EYS: variants seen among roughly 807,000 people sequenced by gnomAD.
EYS encodes the protein protein eyes shut homolog.
A neutral mutation model predicts 282.1 loss-of-function variants in EYS; 250 were observed. The ratio of observed to expected loss-of-function variants is 0.89; its 90% CI spans 0.80 to 0.98. EYS has a LOEUF of 0.98. EYS is among the 50% of genes least tolerant of loss of function. The pLI is 0.00. For synonymous variants in EYS, 1,355 were observed against 1,282.9 expected (o/e 1.06, Z -1.20); for missense variants, 4,016 against 3,709.0 (o/e 1.08, Z -2.15).
chr6:63,739,834 C>T (rs1295238131), intron 41 of EYS, among the ~76,000 whole-genome samples: 3 of 150,488 alleles, frequency 2.0e-5, no homozygotes, highest in African/African-American at 7.4e-5. Flanking sequence ...GCTGGGATTA[C>T]AGGTGCATGC....
At chr6:64,979,692 C>A (rs2150115753) in intron 14 of EYS, among the ~76,000 whole-genome samples, 1 of 151,296 alleles carries the variant, frequency 6.6e-6, no homozygotes, top group East Asian at 2.0e-4. Context: ...CCAAGAGAAT[C>A]AAGATTTAAA....
At chr6:65,192,650 T>C (rs1765670629) in intron 12 of EYS, among the ~76,000 whole-genome samples, 1 of 151,782 alleles carries the variant, frequency 6.6e-6, no homozygotes, top group South Asian at 2.1e-4. Context: ...CCACTAAAAC[T>C]AATGTTGAAA....
At chr6:65,483,453 G>A (rs1183988314) in intron 5 of EYS, among the ~76,000 whole-genome samples, 2 of 151,966 alleles carry the variant, frequency 1.3e-5, no homozygotes, top group Non-Finnish European at 2.9e-5. Context: ...TGACATAATG[G>A]CTAATTTTAT....
At chr6:63,898,260 G>A (rs542271906) in intron 35 of EYS, among the ~76,000 whole-genome samples, 3 of 152,146 alleles carry the variant, frequency 2.0e-5, no homozygotes, top group African/African-American at 7.2e-5. Flanking sequence ...AGGCTGAGGC[G>A]GGTGGGTCAC....
intron 12 of EYS, among the ~76,000 whole-genome samples, chr6:65,237,367 A>G (rs1766954363): frequency 6.6e-6 from 1 of 152,208 alleles, no homozygotes; most frequent in Admixed American, 6.5e-5. Flanking sequence ...ACATTTTAGA[A>G]CATTCTCTAG....
intron 31 of EYS, among the ~76,000 whole-genome samples, chr6:64,141,512 AT>A (rs950876940): frequency 3.3e-5 from 5 of 151,746 alleles, no homozygotes; most frequent in African/African-American, 1.2e-4. Context: ...CTCTTTTTTT[AT>A]TTTTATTTTT....
chr6:65,141,227 T>C (rs1431153578), intron 12 of EYS, among the ~76,000 whole-genome samples: 1 of 151,864 alleles, frequency 6.6e-6, no homozygotes, highest in East Asian at 1.9e-4. Flanking sequence ...TCATTCTCAG[T>C]AAACTATCAC....
chr6:65,544,846 ATTATT>A (rs1768322249), intron 2 of EYS, among the ~76,000 whole-genome samples: 1 of 152,190 alleles, frequency 6.6e-6, no homozygotes, highest in East Asian at 1.9e-4. Context: ...AACTAACATG[ATTATT>A]TTAATAGATT....
chr6:65,578,566 TAA>T (rs915909068), intron 2 of EYS, among the ~76,000 whole-genome samples: 15 of 151,790 alleles, frequency 9.9e-5, no homozygotes, highest in African/African-American at 3.6e-4. Flanking sequence ...ATTGTATACT[TAA>T]AAATTGCAAA....
chr6:65,566,669 C>T (rs1769291513), intron 2 of EYS, among the ~76,000 whole-genome samples: 1 of 152,108 alleles, frequency 6.6e-6, no homozygotes, highest in African/African-American at 2.4e-5. Flanking sequence ...TATATTTAAT[C>T]ATGGTGTCAT....
chr6:65,202,885 C>G (rs1765938267), intron 12 of EYS, among the ~76,000 whole-genome samples: 1 of 152,124 alleles, frequency 6.6e-6, no homozygotes, highest in African/African-American at 2.4e-5. Flanking sequence ...AGAGGCACCT[C>G]CAACCCTTTC....
chr6:65,435,714 A>C (rs1384903110), intron 5 of EYS, among the ~76,000 whole-genome samples: 1 of 152,132 alleles, frequency 6.6e-6, no homozygotes, highest in East Asian at 1.9e-4. Context: ...CATTTGGTGA[A>C]GTCCCAGCCC....
Position 64,491,028 on chromosome 6 carries a change from CA to C in EYS, c.5645-51677del, listed in dbSNP as rs1477744201. On this transcript the variant is annotated intron_variant, in intron 26 of 42. Coordinates refer to ENST00000503581, the MANE Select transcript of EYS (RefSeq NM_001142800.2). ...ACAGAAACCCAGTAATTTATCCTACCAATGAACTAATTATTTATTAGGTTGA... is the reference window on the plus strand; with the variant it reads ...ACAGAAACCCAGTAATTTATCCTACCATGAACTAATTATTTATTAGGTTGA... 4.0e-5 allele frequency among the ~76,000 whole-genome samples: 6 copies of C among 150,652 alleles called. No individual in the cohort carries two copies. In the East Asian group the frequency reaches 1.2e-3, roughly 29 times the overall value.
intron 26 of EYS, among the ~76,000 whole-genome samples, chr6:64,519,335 T>C (rs1162517627): frequency 6.6e-6 from 1 of 151,784 alleles, no homozygotes; most frequent in African/African-American, 2.4e-5. Flanking sequence ...GACAGGGGAC[T>C]TTAGATTGTT....
intron 31 of EYS, among the ~76,000 whole-genome samples, chr6:64,169,777 C>T (rs982831624): frequency 3.3e-5 from 5 of 151,988 alleles, no homozygotes; most frequent in African/African-American, 1.2e-4. Flanking sequence ...GATAGCTCAG[C>T]CTTCTCCTAC....
intron 12 of EYS, among the ~76,000 whole-genome samples, chr6:65,171,988 G>C (rs1261386036): frequency 2.0e-5 from 3 of 151,354 alleles, no homozygotes; most frequent in African/African-American, 7.3e-5. Context: ...ATAGTGCCAT[G>C]TTAGGAAAAT....
intron 2 of EYS, among the ~76,000 whole-genome samples, chr6:65,570,127 T>TAA: frequency 9.1e-6 from 1 of 109,936 alleles, no homozygotes; most frequent in East Asian, 2.8e-4. Context: ...AAATAAAAAA[T>TAA]AAAATAAAAA....
At chr6:64,157,548 G>T (rs1774970446) in intron 31 of EYS, among the ~76,000 whole-genome samples, 1 of 152,124 alleles carries the variant, frequency 6.6e-6, no homozygotes, top group South Asian at 2.1e-4. Flanking sequence ...AGGAGAAACT[G>T]GTTTCGTGGG....
intron 31 of EYS, among the ~76,000 whole-genome samples, chr6:64,118,085 A>T (rs1001325233): frequency 2.6e-5 from 4 of 152,130 alleles, no homozygotes; most frequent in Non-Finnish European, 5.9e-5. Context: ...CATGGATTAG[A>T]ATAATAAATA....
Sources: allele counts gnomAD v4.1 joint callset (sites outside exome capture counted in the v4.1 genomes callset), GRCh38; gene constraint gnomAD v4.1.1; transcripts MANE v1.5; gene names NCBI Gene and HGNC (gene_info 2026-07-23, HGNC 2026-07-21).